GRAMD1B: variants seen among roughly 807,000 people sequenced by gnomAD.
GRAMD1B encodes the protein GRAM domain containing 1B, also known as protein Aster-B.
GRAMD1B carries 37 observed loss-of-function variants against 99.7 expected under a neutral mutation model. The ratio of observed to expected loss-of-function variants is 0.37; its 90% CI spans 0.29 to 0.49. The LOEUF (loss-of-function observed/expected upper bound fraction) is 0.49, where lower values mean the gene tolerates loss of function less well. GRAMD1B is among the 20% of genes least tolerant of loss of function. GRAMD1B has a pLI of 0.98. For synonymous variants in GRAMD1B, 427 were observed against 387.6 expected (o/e 1.10, Z -1.19); for missense variants, 888 against 1,009.2 (o/e 0.88, Z 1.63).
chr11:123,375,818 AAG>A (rs1946674136), intron 1 of GRAMD1B, among the ~76,000 whole-genome samples: 1 of 152,228 alleles, frequency 6.6e-6, no homozygotes, highest in Non-Finnish European at 1.5e-5. Flanking sequence ...GGGGTAGATG[AAG>A]AGTCAGTTAT....
At chr11:123,573,800 G>A (rs1299883553) in intron 2 of GRAMD1B, among the ~76,000 whole-genome samples, 2 of 152,162 alleles carry the variant, frequency 1.3e-5, no homozygotes, top group Non-Finnish European at 2.9e-5. Context: ...GCAGGTTGTA[G>A]GTACAGATTT....
At position 123,586,074 on chromosome 11, in the gene GRAMD1B, C is replaced by T. The variant is rs113377223; in HGVS notation, c.684+1742C>T. Among the ~76,000 whole-genome samples the T allele has an allele frequency of 6.8e-4, 104 of 152,258 alleles. No individual in the cohort carries two copies. In the Middle Eastern group the frequency reaches 0.014, roughly 20 times the overall value. ...CAGGCTTTACTTCTCCCCTTCTTTC[C>T]GCCATCCTTTCCCCCTGTTTCCTTC... On this transcript the variant is annotated intron_variant, in intron 4 of 19. Transcript: ENST00000635736.
intron 1 of GRAMD1B, among the ~76,000 whole-genome samples, chr11:123,392,218 G>A (rs545824409): frequency 9.0e-4 from 137 of 152,168 alleles, no homozygotes; most frequent in South Asian, 7.1e-3. Flanking sequence ...AGAGGAGAAT[G>A]AAAGCAGGGA....
chr11:123,469,771 CT>C (rs2134644684), intron 1 of GRAMD1B, among the ~76,000 whole-genome samples: 7 of 99,890 alleles, frequency 7.0e-5, no homozygotes, highest in African/African-American at 2.4e-4. Context: ...CTTTCTTTCT[CT>C]TTCTTTCCTT....
chr11:123,551,892 AT>A (rs1217198392), intron 2 of GRAMD1B, among the ~76,000 whole-genome samples: 2 of 151,986 alleles, frequency 1.3e-5, no homozygotes, highest in African/African-American at 2.4e-5. Flanking sequence ...TTTCGCTTTC[AT>A]TTCCCTATGC....
At chr11:123,461,544 T>C (rs1350069823) in intron 1 of GRAMD1B, among the ~76,000 whole-genome samples, 2 of 152,246 alleles carry the variant, frequency 1.3e-5, no homozygotes, top group Admixed American at 1.3e-4. Context: ...GCTCTGTCTT[T>C]TTTGGATTGT....
chr11:123,578,495 G>A, intron 3 of GRAMD1B: 3 of 1,163,788 alleles, frequency 2.6e-6, no homozygotes, highest in Non-Finnish European at 3.7e-6. Flanking sequence ...GTAGTGCTCA[G>A]CACCCCCTCC....
Position 123,625,973 on chromosome 11 carries a change from A to AGAGAGAGAGAGAGAGATC in GRAMD1B, c.*3386_*3387insGAGAGAGATCGAGAGAGA, listed in dbSNP as rs34697633. 4.8e-3 allele frequency: 670 copies of AGAGAGAGAGAGAGAGATC among 139,620 alleles called. 9 individuals carry two copies. Among genetic ancestry groups the AGAGAGAGAGAGAGAGATC allele is most frequent in the South Asian group, 0.012 (47 of 3,824 alleles). 8.6% of individuals were successfully genotyped at this position (139,620 alleles called of 1,614,324 possible). A position where few individuals can be genotyped will look rare whatever the true frequency, so the allele number is the denominator to read the frequency against. On this transcript the variant is annotated 3_prime_UTR_variant, in exon 20 of 20. Coordinates refer to ENST00000635736, the MANE Select transcript of GRAMD1B (RefSeq NM_001387025.1). ...GAGAGAGAGAGAGAGAGAGAGAGAG[A>AGAGAGAGAGAGAGAGATC]GAGAGAGATCGAGCTTGATGTATTG...
chr11:123,505,246 G>A (rs748488183), intron 2 of GRAMD1B, among the ~76,000 whole-genome samples: 5 of 151,298 alleles, frequency 3.3e-5, no homozygotes, highest in Non-Finnish European at 7.4e-5. Context: ...TTTCCGGGCT[G>A]GTCCTGAACT....
intron 1 of GRAMD1B, among the ~76,000 whole-genome samples, chr11:123,477,836 G>A (rs1481411272): frequency 3.4e-5 from 5 of 146,144 alleles, no homozygotes; most frequent in Admixed American, 6.9e-5. Context: ...GTGTAGTGGC[G>A]CGATCTCGCT....
At position 123,591,221 on chromosome 11, in the gene GRAMD1B, C is replaced by T. The variant is rs1183844957; in HGVS notation, c.685-2861C>T. The stretch of plus-strand genomic sequence containing the variant: ...GTGAAGCTTCATGCTGGGCATGCAG[C>T]TCTAGGAGCAGAAAGGACACCTGTC... On this transcript the variant is annotated intron_variant, in intron 4 of 19. Coordinates refer to ENST00000635736, the MANE Select transcript of GRAMD1B (RefSeq NM_001387025.1). This position sits in a 1 kb window ranked among gnomAD's most constrained non-coding sequence, Gnocchi z 4.7. The T allele has an allele frequency of 7.7e-6, 3 of 391,306 alleles. No individual in the cohort carries two copies. The highest frequency in any genetic ancestry group is 9.0e-6 in the Non-Finnish European group (2 of 221,872). 24.2% of individuals were successfully genotyped at this position (391,306 alleles called of 1,614,324 possible).
intron 1 of GRAMD1B, among the ~76,000 whole-genome samples, chr11:123,446,495 C>G (rs1343914472): frequency 1.3e-5 from 2 of 152,086 alleles, no homozygotes; most frequent in Non-Finnish European, 2.9e-5. Flanking sequence ...GAGTTTTCAG[C>G]CATTGTCAGC....
chr11:123,422,296 G>A (rs755316922), intron 1 of GRAMD1B, among the ~76,000 whole-genome samples: 5 of 152,172 alleles, frequency 3.3e-5, no homozygotes, highest in Non-Finnish European at 2.9e-5. Context: ...GCAAGAGTTC[G>A]CACCAAGTGC....
rs755577223 is a variant in GRAMD1B, at chr11:123,606,792, G to A, written c.1507G>A (p.Asp503Asn). 38 of 1,613,210 alleles carry A rather than the reference G, an allele frequency of 2.4e-5. No individual in the cohort carries two copies. Among genetic ancestry groups the A allele is most frequent in the Middle Eastern group, 1.7e-4 (1 of 6,060 alleles). Residue 503 changes from aspartate (D) to asparagine (N), a missense_variant, in exon 11 of 20, where the codon GAT becomes AAT. Physicochemically the swap from Asp to Asn is conservative, Grantham distance 23. This residue lies in a region of GRAMD1B where 269 missense variants were observed against 296.6 expected (regional missense o/e 0.91). Coordinates refer to ENST00000635736, the MANE Select transcript of GRAMD1B (RefSeq NM_001387025.1). ...GCTCAGTGACTCTTCCGACACACACGATGAAGGTGGGCATTTGAAAATGGG... is the reference window on the plus strand; with the variant it reads ...GCTCAGTGACTCTTCCGACACACACAATGAAGGTGGGCATTTGAAAATGGG... Reference protein sequence around the residue: ...TELSDSSDTHDEGEVQAFYED... With the variant: ...TELSDSSDTHNEGEVQAFYED...
intron 1 of GRAMD1B, among the ~76,000 whole-genome samples, chr11:123,414,957 C>G (rs941656122): frequency 2.0e-5 from 3 of 152,126 alleles, no homozygotes; most frequent in African/African-American, 7.2e-5. Context: ...CACACATGCC[C>G]TTTGAAAGGT....
intron 17 of GRAMD1B, chr11:123,618,421 C>T (rs915151272): frequency 6.9e-5 from 101 of 1,473,868 alleles, no homozygotes; most frequent in Middle Eastern, 1.7e-4. Flanking sequence ...ACCTCTCTTC[C>T]CCCAGGTGCC....
At chr11:123,423,463 T>C (rs1948531577) in intron 1 of GRAMD1B, among the ~76,000 whole-genome samples, 2 of 152,170 alleles carry the variant, frequency 1.3e-5, no homozygotes, top group Non-Finnish European at 2.9e-5. Flanking sequence ...TCAAAAACTA[T>C]TTGAAAATAG....
chr11:123,421,713 T>C (rs1047350296), intron 1 of GRAMD1B, among the ~76,000 whole-genome samples: 1 of 151,932 alleles, frequency 6.6e-6, no homozygotes, highest in East Asian at 1.9e-4. Context: ...ATCCAGGGAG[T>C]GGTTGAGGGC....
In GRAMD1B at chr11:123,594,096, C is replaced by T. The variant is rs776521709; in HGVS notation, c.699C>T (p.Thr233=). 30 of 1,612,494 alleles carry T rather than the reference C, an allele frequency of 1.9e-5. No individual in the cohort carries two copies. In the Admixed American group the frequency reaches 4.2e-4, roughly 22 times the overall value. Residue 233 remains threonine, a synonymous_variant, in exon 5 of 20, where the codon ACC becomes ACT. Transcript: ENST00000635736. ...TTGTCACGCAGGTGTTAAGCCCCAC[C>T]TACAAGCAGAGAAATGAAGACTTCA... ...SQSWYNVLSP[T]YKQRNEDFRK...
Sources: allele counts gnomAD v4.1 joint callset (sites outside exome capture counted in the v4.1 genomes callset), GRCh38; gene constraint gnomAD v4.1.1; regional missense constraint gnomAD v4.1.1; non-coding constraint Gnocchi (gnomAD v3.1); transcripts MANE v1.5; gene names NCBI Gene and HGNC (gene_info 2026-07-23, HGNC 2026-07-21).